SDK2: variants seen among roughly 807,000 people sequenced by gnomAD.
SDK2 encodes protein sidekick-2.
Under a neutral mutation model 253.9 loss-of-function variants are expected in SDK2, and 105 were observed. The observed-to-expected ratio is 0.41, with a 90% confidence interval of 0.35 to 0.49. The LOEUF (loss-of-function observed/expected upper bound fraction) is 0.49. SDK2 is among the 20% of genes least tolerant of loss of function. The probability of loss-of-function intolerance (pLI) is 0.06; values close to 1 mark genes in which losing one functional copy is unlikely to be tolerated. For synonymous variants in SDK2, 1,249 were observed against 1,234.9 expected, an observed-to-expected ratio of 1.01 and a Z score of -0.24; for missense variants, 2,608 against 3,003.0, an observed-to-expected ratio of 0.87 and a Z score of 3.07.
chr17:73,544,357 G>A (rs1334398305), intron 1 of SDK2, among the ~76,000 whole-genome samples: 1 of 152,176 alleles, frequency 6.6e-6, no homozygotes, highest in East Asian at 1.9e-4. Context: ...CCATTCCCTT[G>A]CCTGTCTCCC....
intron 1 of SDK2, among the ~76,000 whole-genome samples, chr17:73,522,360 C>A (rs549675223): frequency 1.3e-5 from 2 of 152,340 alleles, no homozygotes; most frequent in South Asian, 4.1e-4. Context: ...GTGGCATTCC[C>A]AGACAACAGC....
intron 3 of SDK2, among the ~76,000 whole-genome samples, chr17:73,468,400 C>T (rs2063618911): frequency 6.6e-6 from 1 of 152,172 alleles, no homozygotes; most frequent in African/African-American, 2.4e-5. Flanking sequence ...GGATGAAGAA[C>T]CTGAGCTGGG....
At chr17:73,412,108 GTA>G (rs1568389532) in intron 18 of SDK2, among the ~76,000 whole-genome samples, 1,075 of 39,204 alleles carry the variant, frequency 0.027, 36 homozygotes, top group South Asian at 0.093. Flanking sequence ...ATATGTATAC[GTA>G]TATATGTATA....
At chr17:73,429,613 C>G (rs1210949929) in intron 12 of SDK2, among the ~76,000 whole-genome samples, 1 of 152,222 alleles carries the variant, frequency 6.6e-6, no homozygotes, top group African/African-American at 2.4e-5. Context: ...GGCCATTTCT[C>G]CCAGTGCAGG....
intron 2 of SDK2, among the ~76,000 whole-genome samples, chr17:73,497,322 G>C (rs1224054199): frequency 6.6e-6 from 1 of 152,134 alleles, no homozygotes; most frequent in African/African-American, 2.4e-5. Context: ...CCAGCCTCTA[G>C]GTTTTGTTCT....
intron 1 of SDK2, among the ~76,000 whole-genome samples, chr17:73,522,964 A>ATGT: frequency 6.6e-6 from 1 of 152,314 alleles, no homozygotes; most frequent in East Asian, 1.9e-4. Context: ...GCTGGAGGCC[A>ATGT]GGCCCTGTCC....
At chr17:73,580,689 C>T (rs918260684) in intron 1 of SDK2, among the ~76,000 whole-genome samples, 1 of 152,190 alleles carries the variant, frequency 6.6e-6, no homozygotes, top group Non-Finnish European at 1.5e-5. Flanking sequence ...AGGAGCTACA[C>T]AAAGAAGGAA....
chr17:73,370,937 A>G (rs2062729980), intron 36 of SDK2, among the ~76,000 whole-genome samples: 1 of 151,930 alleles, frequency 6.6e-6, no homozygotes, highest in African/African-American at 2.4e-5. Flanking sequence ...GGTGGTGTGC[A>G]CCTGCAGTTC....
At chr17:73,384,835 A>C (rs2062859201) in intron 32 of SDK2, among the ~76,000 whole-genome samples, 2 of 151,500 alleles carry the variant, frequency 1.3e-5, no homozygotes, top group African/African-American at 4.9e-5. Flanking sequence ...CAAAACAAAA[A>C]CCCCAAAAAA....
intron 29 of SDK2, among the ~76,000 whole-genome samples, chr17:73,388,529 T>G (rs1316576649): frequency 6.6e-6 from 1 of 152,156 alleles, no homozygotes; most frequent in Non-Finnish European, 1.5e-5. Flanking sequence ...TCAGAACAGA[T>G]GACTCTGTGG....
At chr17:73,350,957 C>T (rs767094724) in intron 41 of SDK2, among the ~76,000 whole-genome samples, 167 bp from the exon 42 acceptor site, 2 of 152,156 alleles carry the variant, frequency 1.3e-5, no homozygotes, top group African/African-American at 4.8e-5. Flanking sequence ...CAAGTATCCG[C>T]TCTGATCAGT....
intron 18 of SDK2, 105 bp downstream of exon 18, chr17:73,414,539 T>C: frequency 1.2e-6 from 1 of 858,436 alleles, no homozygotes; most frequent in Non-Finnish European, 1.9e-6. Flanking sequence ...AGCCAATGAC[T>C]TCAGAAACAG....
rs761561326 is a variant in SDK2 at position 73,368,508 on chromosome 17, T to C, written c.5066A>G (p.Asn1689Ser). ...FLAENSVKLK[N>S]LTGYTAYMVS... ...CATGTAGGCCGTGTAGCCAGTCAAG[T>C]TCTTGAGCTTCACGCTGTTCTCAGC... Residue 1689 changes from asparagine to serine, a missense_variant, in exon 37 of 45, where the codon AAC (asparagine) becomes AGC (serine). By Grantham distance (46) the Asn-to-Ser change is conservative. Coordinates refer to ENST00000392650, the MANE Select transcript of SDK2 (RefSeq NM_001144952.2). 1.4e-4 allele frequency: 224 copies of C among 1,610,640 alleles called. No homozygotes were observed. The highest frequency in any genetic ancestry group is 1.7e-4 in the Non-Finnish European group (203 of 1,178,758).
chr17:73,384,137 G>T, intron 32 of SDK2, 126 bp from the exon 33 acceptor site: 1 of 1,086,880 alleles, frequency 9.2e-7, no homozygotes, highest in Non-Finnish European at 1.3e-6. Flanking sequence ...AAGAAATCAA[G>T]ATAATATTGG....
In SDK2 at chr17:73,472,131, T is replaced by C. The variant is rs935922834; in HGVS notation, c.312A>G (p.Gln104=). The change falls in exon 3 of 45, where the codon CAA becomes CAG. Residue 104 remains glutamine, a synonymous_variant. Coordinates refer to ENST00000392650, the MANE Select transcript of SDK2 (RefSeq NM_001144952.2). ...RNRMGALLQR[Q]TEVQVAYMGS... ...ACTCACAGGCCACCTGGACCTCGGT[T>C]TGCCGCTGCAGCAGGGCCCCCATTC... 1 of 1,551,540 alleles carries C rather than the reference T, an allele frequency of 6.4e-7. No individual in the cohort carries two copies. The highest frequency in any genetic ancestry group is 2.4e-5 in the East Asian group (1 of 40,926).
chr17:73,518,787 C>T (rs887005826), intron 1 of SDK2: 4 of 152,210 alleles, frequency 2.6e-5, no homozygotes, highest in African/African-American at 7.2e-5. Context: ...CCAAGAAGCC[C>T]GATGGTGTTA....
chr17:73,582,064 G>A (rs1225539062), intron 1 of SDK2, among the ~76,000 whole-genome samples: 1 of 152,178 alleles, frequency 6.6e-6, no homozygotes, highest in Non-Finnish European at 1.5e-5. Context: ...GCCCCACTTT[G>A]GGCTGAGCAG....
rs1391232050 is a variant in SDK2 at position 73,437,903 on chromosome 17, G to A, written c.916+61C>T. The A allele has an allele frequency of 5.0e-6, 8 of 1,593,018 alleles. No individual in the cohort carries two copies. In the East Asian group the frequency reaches 1.8e-4, roughly 36 times the overall value. On this transcript the variant is annotated intron_variant, in intron 7 of 44. Coordinates refer to ENST00000392650, the MANE Select transcript of SDK2 (RefSeq NM_001144952.2). ...CACTGTAGGGGGTCACCCTTAAGGA[G>A]GACCCTCGCCGTGCTGCCCCTACCC...
chr17:73,422,497 T>C, intron 14 of SDK2, 63 bp from the exon 15 acceptor site: 1 of 1,557,912 alleles, frequency 6.4e-7, no homozygotes, highest in South Asian at 1.1e-5. Flanking sequence ...TGCTTCTTAC[T>C]CCCCACTCCC....
Sources: allele counts gnomAD v4.1 joint callset (sites outside exome capture counted in the v4.1 genomes callset), GRCh38; gene constraint gnomAD v4.1.1; transcripts MANE v1.5; gene names NCBI Gene and HGNC (gene_info 2026-07-23, HGNC 2026-07-21).